NDUFV2: variants seen among roughly 807,000 people sequenced by gnomAD.
NDUFV2 encodes the protein NADH dehydrogenase [ubiquinone] flavoprotein 2, mitochondrial.
A neutral mutation model predicts 31.6 loss-of-function variants in NDUFV2; 18 were observed. That is an observed-to-expected ratio of 0.57 (90% CI 0.39 to 0.84). The LOEUF (loss-of-function observed/expected upper bound fraction) is 0.84, where lower values mean the gene tolerates loss of function less well. NDUFV2 is among the 40% of genes least tolerant of loss of function. The pLI is 0.00. For missense variants in NDUFV2, 314 were observed against 303.6 expected, an observed-to-expected ratio of 1.03 and a Z score of -0.26; for synonymous variants, 83 against 99.8, an observed-to-expected ratio of 0.83 and a Z score of 1.01.
chr18:9,114,403 T>G (rs1002805905), intron 1 of NDUFV2, among the ~76,000 whole-genome samples: 1 of 151,866 alleles, frequency 6.6e-6, no homozygotes, highest in South Asian at 2.1e-4. Flanking sequence ...ACAGCACAAT[T>G]TTTTAAAAAT....
At chr18:9,117,621 T>C in intron 1 of NDUFV2, 1 of 497,698 alleles carries the variant, frequency 2.0e-6, no homozygotes, top group Middle Eastern at 5.7e-4. Flanking sequence ...TCCTATTGAC[T>C]CGTGTGTGTG....
At chr18:9,122,739 T>TG in intron 5 of NDUFV2, 58 bp downstream of exon 5, 2 of 1,575,428 alleles carry the variant, frequency 1.3e-6, no homozygotes, top group South Asian at 2.2e-5. Flanking sequence ...TCTCTAGATT[T>TG]GGTACATTTC....
chr18:9,111,334 A>T (rs1388517252), intron 1 of NDUFV2, among the ~76,000 whole-genome samples: 1 of 152,268 alleles, frequency 6.6e-6, no homozygotes, highest in Non-Finnish European at 1.5e-5. Context: ...TGCCTGACAC[A>T]TAGTACTTCT....
At chr18:9,104,817 T>C in intron 1 of NDUFV2, 2 of 998,562 alleles carry the variant, frequency 2.0e-6, no homozygotes, top group Non-Finnish European at 2.8e-6. Flanking sequence ...ATTACACACG[T>C]CATACGTGTG....
At chr18:9,104,909 A>G in intron 1 of NDUFV2, 1 of 1,488,212 alleles carries the variant, frequency 6.7e-7, no homozygotes, top group Non-Finnish European at 9.1e-7. Flanking sequence ...CCTGGAAATT[A>G]CCATTGTTAA....
intron 7 of NDUFV2, among the ~76,000 whole-genome samples, chr18:9,130,242 G>A (rs2078028338): frequency 1.3e-5 from 2 of 152,146 alleles, no homozygotes; most frequent in African/African-American, 2.4e-5. Context: ...TTTGTAATAT[G>A]AGGTACTATA....
Position 9,126,894 on chromosome 18 carries a change from A to G in NDUFV2, c.643A>G (p.Lys215Glu). Residue 215 changes from lysine to glutamate, a missense_variant, in exon 7 of 8, where the codon AAA becomes GAA. By Grantham distance (56) the Lys-to-Glu change is moderately conservative. Transcript: ENST00000318388. ...TGAGCTCAAGGCTGGCAAAATCCCA[A>G]AACCAGGGCCAAGGTATGCTTTATT... is the stretch of plus-strand genomic sequence containing the variant. ...IDELKAGKIP[K>E]PGPRSGRFSC... 2 of 1,613,604 alleles carry G rather than the reference A, an allele frequency of 1.2e-6. No individual in the cohort carries two copies. Among genetic ancestry groups the G allele is most frequent in the Non-Finnish European group, 1.7e-6 (2 of 1,179,554 alleles).
intron 1 of NDUFV2, chr18:9,104,168 A>G (rs1328202930): frequency 5.0e-6 from 8 of 1,612,836 alleles, no homozygotes; most frequent in Non-Finnish European, 6.8e-6. Context: ...GACAACTTAA[A>G]GTCTTGTTGG....
chr18:9,131,206 TATC>T (rs1257634125), intron 7 of NDUFV2, among the ~76,000 whole-genome samples: 1 of 152,234 alleles, frequency 6.6e-6, no homozygotes, highest in African/African-American at 2.4e-5. Context: ...GTACAAGTCT[TATC>T]ATTTTCATGT....
At position 9,102,770 on chromosome 18, in the gene NDUFV2, C is replaced by G. The variant is rs1457532352; in HGVS notation, c.27C>G (p.Ala9=). Residue 9 remains alanine (A), a synonymous_variant, in exon 1 of 8, where the codon GCC becomes GCG. Transcript: ENST00000318388. ...TGTTCTTCTCCGCGGCGCTCCGGGCCCGGGCGGCTGGCCTCACCGCCCACT... is the reference window on the plus strand; with the variant it reads ...TGTTCTTCTCCGCGGCGCTCCGGGCGCGGGCGGCTGGCCTCACCGCCCACT... MFFSAALR[A]RAAGLTAHWG... is the part of the protein sequence containing the mutation. 1 of 1,584,290 alleles carries G rather than the reference C, an allele frequency of 6.3e-7. No homozygotes were observed. Among genetic ancestry groups the G allele is most frequent in the African/African-American group, 1.4e-5 (1 of 73,960 alleles).
intron 1 of NDUFV2, among the ~76,000 whole-genome samples, chr18:9,114,449 T>A (rs1339635208): frequency 1.0e-4 from 1 of 9,756 alleles, no homozygotes; most frequent in Admixed American, 9.5e-4. Context: ...TTGGATCTTT[T>A]TTTTTTTTTT....
Position 9,134,188 on chromosome 18 carries a change from G to A in NDUFV2, c.659G>A (p.Ser220Asn), listed in dbSNP as rs368914351. Residue 220 changes from serine to asparagine, a missense_variant and splice_region_variant, in exon 8 of 8, where the codon AGT becomes AAT. Coordinates refer to ENST00000318388, the MANE Select transcript of NDUFV2 (RefSeq NM_021074.5). Reference sequence around the variant, plus strand: ...TTTAATATTACTTTTCATTTCAGGAGTGGACGCTTCTCTTGTGAGCCAGCT... The same window carrying A: ...TTTAATATTACTTTTCATTTCAGGAATGGACGCTTCTCTTGTGAGCCAGCT... Reference protein sequence around the residue: ...AGKIPKPGPRSGRFSCEPAGG... With the variant: ...AGKIPKPGPRNGRFSCEPAGG... 8.7e-6 allele frequency: 14 copies of A among 1,612,078 alleles called. No individual in the cohort carries two copies. In the African/African-American group the frequency reaches 1.6e-4, roughly 18 times the overall value.
At chr18:9,104,165 T>TA in intron 1 of NDUFV2, 1 of 1,612,786 alleles carries the variant, frequency 6.2e-7, no homozygotes. Context: ...AAGGACAACT[T>TA]AAAGTCTTGT....
At chr18:9,108,569 G>GATCTT (rs1223961398) in intron 1 of NDUFV2, among the ~76,000 whole-genome samples, 1 of 150,868 alleles carries the variant, frequency 6.6e-6, no homozygotes, top group East Asian at 1.9e-4. Context: ...TATAGCATGA[G>GATCTT]ATCTGACATA....
At chr18:9,104,268 A>G (rs2144726371) in intron 1 of NDUFV2, 2 of 1,612,594 alleles carry the variant, frequency 1.2e-6, no homozygotes, top group South Asian at 1.1e-5. Flanking sequence ...GACAGGGGCC[A>G]GATATTGGAG....
chr18:9,132,893 T>A (rs980459966), intron 7 of NDUFV2, among the ~76,000 whole-genome samples: 3 of 152,092 alleles, frequency 2.0e-5, no homozygotes, highest in East Asian at 1.9e-4. Flanking sequence ...TAAATAAATT[T>A]AAAAATTGCA....
At chr18:9,121,588 C>T (rs2077936116) in intron 4 of NDUFV2, 1 of 152,182 alleles carries the variant, frequency 6.6e-6, no homozygotes, top group African/African-American at 2.4e-5. Flanking sequence ...GCCCGCTCTT[C>T]TTTTATATTA....
In NDUFV2 at chr18:9,124,988, G is replaced by A. The variant is rs777822776; in HGVS notation, c.579+5G>A. 10 of 1,612,524 alleles carry A rather than the reference G, an allele frequency of 6.2e-6. No individual in the cohort carries two copies. Among genetic ancestry groups the A allele is most frequent in the Non-Finnish European group, 8.5e-6 (10 of 1,178,956 alleles). ...CAAATAAATGACAATTACTATGTGA[G>A]TATTTCAGGTAATACAAGTTAAAGT... On this transcript the variant is annotated splice_donor_5th_base_variant and intron_variant, in intron 6 of 7. Transcript: ENST00000318388.
At chr18:9,126,665 T>C in intron 6 of NDUFV2, 166 bp from the exon 7 acceptor site, 1 of 615,702 alleles carries the variant, frequency 1.6e-6, no homozygotes, top group Non-Finnish European at 2.9e-6. Flanking sequence ...CCATGCGTGG[T>C]GGTTCATACC....
Sources: gnomAD v4.1 joint callset for allele counts (sites outside exome capture counted in the v4.1 genomes callset) on GRCh38, gnomAD v4.1.1 for gene constraint, MANE v1.5 for transcripts, NCBI Gene and HGNC (gene_info 2026-07-23, HGNC 2026-07-21) for gene names.